CACNA1D: variants seen among roughly 807,000 people sequenced by gnomAD.
The protein encoded by CACNA1D is voltage-dependent L-type calcium channel subunit alpha-1D.
CACNA1D carries 55 observed loss-of-function variants against 257.1 expected under a neutral mutation model. That is an observed-to-expected ratio of 0.21 (90% CI 0.17 to 0.27). The LOEUF is 0.27. Among genes scored for constraint, CACNA1D ranks in the 10% least tolerant of loss-of-function variants. The pLI is 1.00. For missense variants in CACNA1D, 1,876 were observed against 2,784.0 expected (o/e 0.67, Z 7.34); for synonymous variants, 980 against 1,014.9 (o/e 0.97, Z 0.65).
At chr3:53,517,880 T>A (rs1416487005) in intron 3 of CACNA1D, among the ~76,000 whole-genome samples, 3 of 152,240 alleles carry the variant, frequency 2.0e-5, no homozygotes, top group Non-Finnish European at 4.4e-5. Flanking sequence ...CAAATAATTC[T>A]TGCCTCATAA....
At position 53,497,153 on chromosome 3, in the gene CACNA1D, G is replaced by A; in HGVS notation, c.69G>A (p.Glu23=). ...CTTTGTTTTTCTCCTTCTCCCCAGA[G>A]GCAAACTATGCAAGAGGCACCAGAC... ...QRQQQADHAN[E]ANYARGTRLP... The change falls in exon 2 of 48, where the codon GAG becomes GAA. Residue 23 remains glutamate, a splice_region_variant and synonymous_variant. Coordinates refer to ENST00000350061, the MANE Select transcript of CACNA1D (RefSeq NM_001128840.3). The A allele has an allele frequency of 6.2e-7, 1 of 1,613,758 alleles. No homozygotes were observed. Among genetic ancestry groups the A allele is most frequent in the Non-Finnish European group, 8.5e-7 (1 of 1,179,892 alleles).
chr3:53,649,374 G>A (rs772189511), intron 3 of CACNA1D, among the ~76,000 whole-genome samples: 4 of 152,170 alleles, frequency 2.6e-5, no homozygotes, highest in South Asian at 2.1e-4. Flanking sequence ...ATAATATATA[G>A]CAAAGTGCTT....
intron 3 of CACNA1D, among the ~76,000 whole-genome samples, chr3:53,627,096 G>A (rs2093767755): frequency 6.6e-6 from 1 of 152,246 alleles, no homozygotes; most frequent in Non-Finnish European, 1.5e-5. Flanking sequence ...TGGCCAGGCA[G>A]CAGCACCCTT....
At chr3:53,518,348 A>G (rs1371713389) in intron 3 of CACNA1D, among the ~76,000 whole-genome samples, 1 of 152,188 alleles carries the variant, frequency 6.6e-6, no homozygotes, top group Non-Finnish European at 1.5e-5. Flanking sequence ...AGCTGCTGGC[A>G]TGGGATGTTT....
At chr3:53,739,059 C>A (rs1233628899) in intron 20 of CACNA1D, among the ~76,000 whole-genome samples, 3 of 152,188 alleles carry the variant, frequency 2.0e-5, no homozygotes, top group African/African-American at 7.2e-5. Flanking sequence ...AAAGTGAATA[C>A]CCTCTGAAGA....
intron 3 of CACNA1D, among the ~76,000 whole-genome samples, chr3:53,524,784 C>G (rs1362237487): frequency 2.6e-5 from 4 of 152,198 alleles, no homozygotes; most frequent in Non-Finnish European, 4.4e-5. Flanking sequence ...GGATGTCTGG[C>G]CTTTTCAGCC....
intron 40 of CACNA1D, among the ~76,000 whole-genome samples, chr3:53,798,194 T>G (rs2095516403): frequency 1.3e-5 from 2 of 152,194 alleles, no homozygotes; most frequent in South Asian, 4.1e-4. Context: ...ACAGTTGCCT[T>G]CTTGATGTTT....
intron 3 of CACNA1D, among the ~76,000 whole-genome samples, chr3:53,504,213 T>A (rs1312514679): frequency 6.6e-6 from 1 of 152,152 alleles, no homozygotes; most frequent in Non-Finnish European, 1.5e-5. Context: ...GACGCTGAAA[T>A]GAGTTGCAAG....
chr3:53,607,133 A>G (rs1045515543), intron 3 of CACNA1D, among the ~76,000 whole-genome samples: 7 of 152,354 alleles, frequency 4.6e-5, no homozygotes, highest in East Asian at 1.9e-4. Context: ...AACATTTTAT[A>G]TAGGTGTTTG....
chr3:53,668,088 C>T (rs1282307082), intron 7 of CACNA1D, among the ~76,000 whole-genome samples: 5 of 152,166 alleles, frequency 3.3e-5, no homozygotes, highest in Middle Eastern at 3.4e-3. Context: ...AAAGCATCAT[C>T]AAAATAGCCC....
intron 37 of CACNA1D, among the ~76,000 whole-genome samples, chr3:53,779,101 C>T (rs1032929697): frequency 7.9e-5 from 12 of 151,988 alleles, no homozygotes; most frequent in African/African-American, 2.9e-4. Flanking sequence ...AAGTTCAAGA[C>T]CAACCTGGGC....
intron 8 of CACNA1D, among the ~76,000 whole-genome samples, chr3:53,699,338 T>A (rs1000963785): frequency 1.3e-4 from 20 of 152,360 alleles, no homozygotes; most frequent in African/African-American, 4.1e-4. Flanking sequence ...CTTTTGAATG[T>A]CTCTCTTATG....
Position 53,803,472 on chromosome 3 carries a change from G to A in CACNA1D, c.5485G>A (p.Glu1829Lys), listed in dbSNP as rs1476182242. Residue 1829 changes from glutamate (E) to lysine (K), a missense_variant, in exon 44 of 48, where the codon GAG (glutamate) becomes AAG (lysine). Around this residue, in one of 10 missense-constraint regions of CACNA1D, gnomAD observed 491 missense variants for 554.3 expected, o/e 0.89. Coordinates refer to ENST00000350061, the MANE Select transcript of CACNA1D (RefSeq NM_001128840.3). Reference sequence around the variant, plus strand: ...CCCAACTATTTGCCGGGAAGACCCAGAGATACATGGCTATTTCAGGGACCC... The same window carrying A: ...CCCAACTATTTGCCGGGAAGACCCAAAGATACATGGCTATTTCAGGGACCC... ...QLPTICREDP[E>K]IHGYFRDPHC... 1 of 1,614,252 alleles carries A rather than the reference G, an allele frequency of 6.2e-7. No individual in the cohort carries two copies. The highest frequency in any genetic ancestry group is 1.1e-5 in the South Asian group (1 of 91,090).
chr3:53,567,628 T>C (rs2092869153), intron 3 of CACNA1D, among the ~76,000 whole-genome samples: 1 of 152,172 alleles, frequency 6.6e-6, no homozygotes, highest in African/African-American at 2.4e-5. Context: ...TAATAAGAGA[T>C]GAAGAGCAGA....
intron 3 of CACNA1D, among the ~76,000 whole-genome samples, chr3:53,513,467 A>C (rs2091204951): frequency 6.6e-6 from 1 of 152,120 alleles, no homozygotes; most frequent in African/African-American, 2.4e-5. Context: ...CCTCGTCTCT[A>C]CCAAAAATAC....
In CACNA1D at chr3:53,673,970, T is replaced by G; in HGVS notation, c.1220+844T>G. The G allele has an allele frequency of 1.4e-6, 1 of 707,728 alleles. No homozygotes were observed. 43.8% of individuals were successfully genotyped at this position (707,728 alleles called of 1,614,324 possible). Reference sequence around the variant, plus strand: ...TTTTGGATTGAACTGTGATTCTTTCTGCCTGTATCTGTCTGTGAGATTCCG... The same window carrying G: ...TTTTGGATTGAACTGTGATTCTTTCGGCCTGTATCTGTCTGTGAGATTCCG... On this transcript the variant is annotated intron_variant, in intron 8 of 47. Coordinates refer to ENST00000350061, the MANE Select transcript of CACNA1D (RefSeq NM_001128840.3). This position sits in a 1 kb window ranked among gnomAD's most constrained non-coding sequence, Gnocchi z 4.1.
chr3:53,504,167 C>G (rs1456371557), intron 3 of CACNA1D, among the ~76,000 whole-genome samples: 2 of 151,838 alleles, frequency 1.3e-5, no homozygotes, highest in Non-Finnish European at 2.9e-5. Flanking sequence ...GTAGTAAATA[C>G]CTTTCATTTA....
chr3:53,662,573 A>G (rs1378258840), intron 5 of CACNA1D, among the ~76,000 whole-genome samples: 2 of 152,242 alleles, frequency 1.3e-5, no homozygotes, highest in Admixed American at 6.5e-5. Flanking sequence ...TGTTGGAGGT[A>G]GTGACTAGTG....
At position 53,660,091 on chromosome 3, in the gene CACNA1D, G is replaced by C. The variant is rs546924857; in HGVS notation, c.624-42G>C. On this transcript the variant is annotated intron_variant, in intron 4 of 47. Transcript: ENST00000350061. ...TTATCATCCTGTTTTGCGTCCCTGGGGTAACAGACTCTAACATTTCTTTCT... is the reference window on the plus strand; with the variant it reads ...TTATCATCCTGTTTTGCGTCCCTGGCGTAACAGACTCTAACATTTCTTTCT... The C allele has an allele frequency of 2.5e-5, 39 of 1,587,448 alleles. No individual in the cohort carries two copies. The East Asian group carries it at 7.4e-4, about 30-fold the overall frequency.
Sources: gnomAD v4.1 joint callset for allele counts (sites outside exome capture counted in the v4.1 genomes callset) on GRCh38, gnomAD v4.1.1 for gene constraint, gnomAD v4.1.1 regional missense constraint, Gnocchi (gnomAD v3.1) non-coding constraint, MANE v1.5 for transcripts, NCBI Gene and HGNC (gene_info 2026-07-23, HGNC 2026-07-21) for gene names.